The following KIAA0825 variants were observed in gnomAD, a reference collection of about 807,000 sequenced individuals.
The protein encoded by KIAA0825 is KIAA0825.
A neutral mutation model predicts 147.6 loss-of-function variants in KIAA0825; 119 were observed. That is an observed-to-expected ratio of 0.81 (90% CI 0.69 to 0.94). The LOEUF (loss-of-function observed/expected upper bound fraction) is 0.94. KIAA0825 is among the 40% of genes least tolerant of loss of function. The pLI is 0.00. For missense variants in KIAA0825, 1,381 were observed against 1,472.7 expected (o/e 0.94, Z 1.02); for synonymous variants, 470 against 518.1 (o/e 0.91, Z 1.26).
At chr5:94,315,075 T>C (rs1159426441) in intron 20 of KIAA0825, among the ~76,000 whole-genome samples, 20 of 151,682 alleles carry the variant, frequency 1.3e-4, no homozygotes, top group Non-Finnish European at 1.5e-5. Flanking sequence ...AAATTCAAAC[T>C]GGAAAATTCT....
At chr5:94,524,926 T>C (rs1584775318) in intron 3 of KIAA0825, among the ~76,000 whole-genome samples, 2 of 152,002 alleles carry the variant, frequency 1.3e-5, no homozygotes, top group Middle Eastern at 3.4e-3. Flanking sequence ...ATACACTATG[T>C]TATTTTAATT....
intron 20 of KIAA0825, among the ~76,000 whole-genome samples, chr5:94,306,360 C>T (rs984194200): frequency 1.3e-5 from 2 of 151,700 alleles, no homozygotes; most frequent in African/African-American, 2.4e-5. Context: ...GAAGATGATA[C>T]ATTGGAAAAG....
At chr5:94,448,616 C>T (rs1584519934) in intron 13 of KIAA0825, among the ~76,000 whole-genome samples, 1 of 152,126 alleles carries the variant, frequency 6.6e-6, no homozygotes, top group East Asian at 1.9e-4. Flanking sequence ...GTCACCTCTC[C>T]TCTCGGCCTT....
chr5:94,211,813 C>T (rs1438665262), intron 20 of KIAA0825, among the ~76,000 whole-genome samples: 1 of 152,086 alleles, frequency 6.6e-6, no homozygotes, highest in African/African-American at 2.4e-5. Flanking sequence ...TTATTTAACT[C>T]CAGGATCATC....
intron 20 of KIAA0825, among the ~76,000 whole-genome samples, chr5:94,201,069 A>T (rs1039165306): frequency 6.7e-6 from 1 of 148,774 alleles, no homozygotes; most frequent in Admixed American, 6.7e-5. Flanking sequence ...CTGCATAAAA[A>T]TACTTTGTGG....
chr5:94,377,946 G>A (rs915237795), intron 20 of KIAA0825, among the ~76,000 whole-genome samples: 1 of 152,080 alleles, frequency 6.6e-6, no homozygotes, highest in African/African-American at 2.4e-5. Flanking sequence ...TCATCCAAAT[G>A]TCAAAAGATT....
chr5:94,382,618 A>G (rs1748571747), intron 20 of KIAA0825, among the ~76,000 whole-genome samples: 1 of 152,180 alleles, frequency 6.6e-6, no homozygotes, highest in Non-Finnish European at 1.5e-5. Context: ...AGCTGTTTCT[A>G]TTAAAAATTC....
At chr5:94,326,040 T>TA (rs1399153873) in intron 20 of KIAA0825, among the ~76,000 whole-genome samples, 1 of 152,104 alleles carries the variant, frequency 6.6e-6, no homozygotes, top group East Asian at 1.9e-4. Context: ...ATTTGATCCA[T>TA]AAAATAAGTG....
intron 5 of KIAA0825, among the ~76,000 whole-genome samples, chr5:94,506,295 A>C (rs1765732317): frequency 6.6e-6 from 1 of 152,220 alleles, no homozygotes; most frequent in African/African-American, 2.4e-5. Context: ...TGCTAACATA[A>C]ATACAGGTTA....
intron 20 of KIAA0825, among the ~76,000 whole-genome samples, chr5:94,241,984 T>C (rs1004219930): frequency 6.6e-6 from 1 of 152,210 alleles, no homozygotes; most frequent in Non-Finnish European, 1.5e-5. Flanking sequence ...CATTCTTCCT[T>C]TTTAAAGCAA....
intron 1 of KIAA0825, among the ~76,000 whole-genome samples, chr5:94,603,412 G>GC (rs1306848915): frequency 6.6e-6 from 1 of 152,116 alleles, no homozygotes; most frequent in Non-Finnish European, 1.5e-5. Context: ...CCTTACAAGA[G>GC]CTACTGAAAG....
chr5:94,580,003 A>C (rs1781782867), intron 2 of KIAA0825, among the ~76,000 whole-genome samples: 1 of 152,192 alleles, frequency 6.6e-6, no homozygotes, highest in Non-Finnish European at 1.5e-5. Context: ...ATTTATCAAA[A>C]ATGTGGTGAT....
intron 2 of KIAA0825, among the ~76,000 whole-genome samples, chr5:94,563,560 A>C (rs1397032544): frequency 1.3e-5 from 2 of 152,254 alleles, no homozygotes; most frequent in African/African-American, 4.8e-5. Flanking sequence ...GTAGAGAAAT[A>C]TTAGAATAAA....
chr5:94,198,731 G>A (rs547495647), intron 20 of KIAA0825, among the ~76,000 whole-genome samples: 3 of 152,158 alleles, frequency 2.0e-5, no homozygotes, highest in South Asian at 2.1e-4. Context: ...ATAACCAACC[G>A]GTACGTTCTG....
chr5:94,601,029 C>T (rs1786324820), intron 1 of KIAA0825, among the ~76,000 whole-genome samples: 1 of 152,166 alleles, frequency 6.6e-6, no homozygotes. Context: ...CTTCAGAAAG[C>T]CCAACCTGAT....
intron 20 of KIAA0825, among the ~76,000 whole-genome samples, chr5:94,291,995 C>T (rs915790720): frequency 4.6e-5 from 7 of 152,168 alleles, no homozygotes; most frequent in African/African-American, 1.7e-4. Context: ...TGCTTATCAG[C>T]TTAAGGAGAT....
intron 5 of KIAA0825, among the ~76,000 whole-genome samples, chr5:94,501,492 G>C (rs1390536536): frequency 6.6e-6 from 1 of 152,170 alleles, no homozygotes; most frequent in Non-Finnish European, 1.5e-5. Context: ...ACAAAGACAA[G>C]TCTGACTCCA....
chr5:94,599,466 A>G (rs1342134196), intron 1 of KIAA0825, among the ~76,000 whole-genome samples: 1 of 151,860 alleles, frequency 6.6e-6, no homozygotes, highest in Non-Finnish European at 1.5e-5. Flanking sequence ...ATCAACATAC[A>G]AAGAATTATA....
chr5:94,219,153 T>TTATTATTA (rs1457484546), intron 20 of KIAA0825, among the ~76,000 whole-genome samples: 1 of 152,198 alleles, frequency 6.6e-6, no homozygotes, highest in Non-Finnish European at 1.5e-5. Flanking sequence ...TTTATTTCTA[T>TTATTATTA]TATTATTACA....
Sources: allele counts gnomAD v4.1 joint callset (sites outside exome capture counted in the v4.1 genomes callset), GRCh38; gene constraint gnomAD v4.1.1; transcripts MANE v1.5; gene names NCBI Gene and HGNC (gene_info 2026-07-23, HGNC 2026-07-21).